Variants in MPZL1 observed in about 807,000 individuals in gnomAD.
MPZL1 encodes myelin protein zero-like protein 1.
A neutral mutation model predicts 29.3 loss-of-function variants in MPZL1; 16 were observed. The ratio of observed to expected loss-of-function variants is 0.55; its 90% CI spans 0.37 to 0.83. The LOEUF (loss-of-function observed/expected upper bound fraction) is 0.83, where lower values mean the gene tolerates loss of function less well. Among genes scored for constraint, MPZL1 ranks in the 40% least tolerant of loss-of-function variants. The pLI is 0.00. For missense variants in MPZL1, 279 were observed against 332.9 expected (o/e 0.84, Z 1.26); for synonymous variants, 143 against 132.0 (o/e 1.08, Z -0.57).
At chr1:167,754,781 A>T (rs1160517361) in intron 1 of MPZL1, among the ~76,000 whole-genome samples, 1 of 152,198 alleles carries the variant, frequency 6.6e-6, no homozygotes, top group East Asian at 1.9e-4. Flanking sequence ...GGGCCTTTTA[A>T]AAATCCTGAT....
intron 1 of MPZL1, among the ~76,000 whole-genome samples, chr1:167,737,195 C>T (rs938799381): frequency 1.1e-4 from 17 of 152,170 alleles, no homozygotes; most frequent in African/African-American, 4.1e-4. Flanking sequence ...CAATGCTTAA[C>T]ATAATGCCTG....
intron 1 of MPZL1, among the ~76,000 whole-genome samples, chr1:167,749,317 T>G (rs1660710374): frequency 6.6e-6 from 1 of 152,218 alleles, no homozygotes; most frequent in Non-Finnish European, 1.5e-5. Context: ...TTTACTCTTT[T>G]GTTGAATTGT....
intron 1 of MPZL1, among the ~76,000 whole-genome samples, chr1:167,761,489 G>T (rs1660987433): frequency 6.6e-6 from 1 of 152,088 alleles, no homozygotes; most frequent in African/African-American, 2.4e-5. Flanking sequence ...GCAGGGAGGT[G>T]GGTAGCTATG....
At chr1:167,768,258 C>T (rs1661162527) in intron 2 of MPZL1, among the ~76,000 whole-genome samples, 1 of 152,150 alleles carries the variant, frequency 6.6e-6, no homozygotes, top group Non-Finnish European at 1.5e-5. Context: ...ACCACTTTAG[C>T]CTCACTTCTG....
chr1:167,763,855 G>C (rs923149479), intron 1 of MPZL1, among the ~76,000 whole-genome samples: 11 of 151,370 alleles, frequency 7.3e-5, no homozygotes, highest in African/African-American at 2.4e-4. Context: ...CTCTTTCGCA[G>C]AAAAAAAAAT....
At chr1:167,785,942 A>G (rs1443524420) in intron 5 of MPZL1, among the ~76,000 whole-genome samples, 4 of 151,966 alleles carry the variant, frequency 2.6e-5, no homozygotes, top group Non-Finnish European at 4.4e-5. Flanking sequence ...CCAGGCGCCC[A>G]CCACCATGCC....
At position 167,772,266 on chromosome 1, in the gene MPZL1, TAA is replaced by T. The variant is rs1375480949; in HGVS notation, c.259-8_259-7del. The T allele has an allele frequency of 1.2e-6, 2 of 1,603,378 alleles. No individual in the cohort carries two copies. Among genetic ancestry groups the T allele is most frequent in the Admixed American group, 1.7e-5 (1 of 59,842 alleles). On this transcript the variant is annotated splice_region_variant and splice_polypyrimidine_tract_variant and intron_variant, in intron 2 of 5. Coordinates refer to ENST00000359523, the MANE Select transcript of MPZL1 (RefSeq NM_003953.6). ...GAATAGTTCATGTGTTCCTTTTTTC[TAA>T]TTGCAGTTTTTCCACTACTCCCAAG...
At chr1:167,770,210 C>G (rs924504136) in intron 2 of MPZL1, among the ~76,000 whole-genome samples, 7 of 152,134 alleles carry the variant, frequency 4.6e-5, no homozygotes. Context: ...TCACCGTGCT[C>G]AAAGGGTTCT....
At chr1:167,738,504 T>C (rs966206113) in intron 1 of MPZL1, among the ~76,000 whole-genome samples, 19 of 152,316 alleles carry the variant, frequency 1.2e-4, no homozygotes, top group Non-Finnish European at 2.1e-4. Context: ...TATATTGATA[T>C]GGTTTGGCTC....
chr1:167,768,654 G>A (rs1052718533), intron 2 of MPZL1, among the ~76,000 whole-genome samples: 1 of 152,132 alleles, frequency 6.6e-6, no homozygotes, highest in South Asian at 2.1e-4. Context: ...TGACCAAGAC[G>A]TTATTCCTCA....
intron 1 of MPZL1, among the ~76,000 whole-genome samples, chr1:167,732,233 A>C (rs1003879037): frequency 3.0e-4 from 45 of 152,206 alleles, no homozygotes; most frequent in African/African-American, 1.1e-3. Flanking sequence ...CTTATCTCAG[A>C]AATTTCCTTC....
At chr1:167,729,036 C>T (rs889989326) in intron 1 of MPZL1, among the ~76,000 whole-genome samples, 7 of 151,808 alleles carry the variant, frequency 4.6e-5, no homozygotes, top group Admixed American at 2.6e-4. Context: ...GAGGCTGAGG[C>T]GGGTGGATTG....
At chr1:167,784,262 ATAGC>A (rs749953754) in intron 5 of MPZL1, among the ~76,000 whole-genome samples, 43 of 152,226 alleles carry the variant, frequency 2.8e-4, no homozygotes, top group Non-Finnish European at 5.1e-4. Flanking sequence ...AACATTTTCA[ATAGC>A]TAAGGCCTAT....
chr1:167,742,507 A>G (rs1037270449), intron 1 of MPZL1, among the ~76,000 whole-genome samples: 2 of 152,080 alleles, frequency 1.3e-5, no homozygotes, highest in Admixed American at 6.6e-5. Context: ...TCCATAGTCT[A>G]TCATCAGTCT....
At chr1:167,760,855 T>C (rs1289303303) in intron 1 of MPZL1, among the ~76,000 whole-genome samples, 1 of 150,870 alleles carries the variant, frequency 6.6e-6, no homozygotes, top group Non-Finnish European at 1.5e-5. Flanking sequence ...GTTAAATAGA[T>C]ACGCAGTCAG....
chr1:167,744,153 A>G (rs1660594142), intron 1 of MPZL1, among the ~76,000 whole-genome samples: 1 of 152,058 alleles, frequency 6.6e-6, no homozygotes, highest in Non-Finnish European at 1.5e-5. Flanking sequence ...AGTCGGTACT[A>G]TTAGAATAAA....
rs1388605288 is a variant in MPZL1 at position 167,733,710 on chromosome 1, C to T, written c.91+11468C>T. Among the ~76,000 whole-genome samples, 5 of 151,664 alleles carry T rather than the reference C, an allele frequency of 3.3e-5. No homozygotes were observed. The South Asian group carries it at 1.0e-3, about 32-fold the overall frequency. On this transcript the variant is annotated intron_variant, in intron 1 of 5. Transcript: ENST00000359523. Reference sequence around the variant, plus strand: ...AGTGAGCTGAGATTGTGCCACTGCACTCCACCCTGGGTGACAGAGTGAGAC... The same window carrying T: ...AGTGAGCTGAGATTGTGCCACTGCATTCCACCCTGGGTGACAGAGTGAGAC...
At chr1:167,734,071 A>G (rs772119530) in intron 1 of MPZL1, among the ~76,000 whole-genome samples, 1 of 152,096 alleles carries the variant, frequency 6.6e-6, no homozygotes, top group Non-Finnish European at 1.5e-5. Context: ...CCTGGCTTAC[A>G]TGGTGAAACC....
At chr1:167,730,763 G>A (rs1660246572) in intron 1 of MPZL1, among the ~76,000 whole-genome samples, 1 of 152,196 alleles carries the variant, frequency 6.6e-6, no homozygotes, top group African/African-American at 2.4e-5. Flanking sequence ...CTTCTCTGGA[G>A]GCTGTGCAGG....
Sources: gnomAD v4.1 joint callset for allele counts (sites outside exome capture counted in the v4.1 genomes callset) on GRCh38, gnomAD v4.1.1 for gene constraint, MANE v1.5 for transcripts, NCBI Gene and HGNC (gene_info 2026-07-23, HGNC 2026-07-21) for gene names.